TRIM33: variants seen among roughly 807,000 people sequenced by gnomAD.
The protein encoded by TRIM33 is tripartite motif containing 33, also known as E3 ubiquitin-protein ligase TRIM33.
Under a neutral mutation model 125.4 loss-of-function variants are expected in TRIM33, and 20 were observed. The observed-to-expected ratio is 0.16, with a 90% CI of 0.11 to 0.23. TRIM33 has a LOEUF of 0.23. Among genes scored for constraint, TRIM33 ranks in the 10% least tolerant of loss-of-function variants. TRIM33 has a pLI of 1.00. For synonymous variants in TRIM33, 564 were observed against 513.9 expected, an observed-to-expected ratio of 1.10 and a Z score of -1.32; for missense variants, 920 against 1,411.4, an observed-to-expected ratio of 0.65 and a Z score of 5.58.
At chr1:114,403,666 T>C (rs951444495) in intron 15 of TRIM33, among the ~76,000 whole-genome samples, 3 of 152,136 alleles carry the variant, frequency 2.0e-5, no homozygotes, top group African/African-American at 7.2e-5. Context: ...GCCTCCTACG[T>C]AGCTGGGATC....
At chr1:114,437,830 G>A (rs1241664908) in intron 4 of TRIM33, among the ~76,000 whole-genome samples, 1 of 152,134 alleles carries the variant, frequency 6.6e-6, no homozygotes, top group Non-Finnish European at 1.5e-5. Context: ...TAATCAGCAT[G>A]CTTAGCTTTT....
At chr1:114,406,732 C>T (rs1190372125) in intron 14 of TRIM33, among the ~76,000 whole-genome samples, 2 of 152,138 alleles carry the variant, frequency 1.3e-5, no homozygotes, top group African/African-American at 2.4e-5. Flanking sequence ...CAAATGAGTA[C>T]TTAATACAAT....
intron 1 of TRIM33, among the ~76,000 whole-genome samples, chr1:114,471,027 G>A (rs941471513): frequency 2.6e-5 from 4 of 152,264 alleles, no homozygotes; most frequent in Admixed American, 2.0e-4. Flanking sequence ...TCGAACTCCT[G>A]GGCCCAAGCA....
chr1:114,451,886 G>A (rs1438964103), intron 4 of TRIM33, among the ~76,000 whole-genome samples: 2 of 151,968 alleles, frequency 1.3e-5, no homozygotes. Flanking sequence ...GCAGGGAGAG[G>A]CAAGAAAAAA....
chr1:114,408,015 C>T (rs1263344574), intron 13 of TRIM33, among the ~76,000 whole-genome samples: 1 of 152,126 alleles, frequency 6.6e-6, no homozygotes, highest in Non-Finnish European at 1.5e-5. Flanking sequence ...AACCCCCAAC[C>T]AGGCATAATT....
At chr1:114,440,771 T>G (rs968814998) in intron 4 of TRIM33, among the ~76,000 whole-genome samples, 1 of 151,996 alleles carries the variant, frequency 6.6e-6, no homozygotes. Context: ...AGGGGGGGAA[T>G]ACAAACATTA....
chr1:114,438,438 C>T (rs1648444396), intron 4 of TRIM33, among the ~76,000 whole-genome samples: 1 of 152,140 alleles, frequency 6.6e-6, no homozygotes, highest in South Asian at 2.1e-4. Context: ...TTTATCTATA[C>T]ACCCACTCAC....
chr1:114,428,345 T>A (rs1451501240), intron 6 of TRIM33, among the ~76,000 whole-genome samples: 2 of 152,208 alleles, frequency 1.3e-5, no homozygotes, highest in South Asian at 4.1e-4. Context: ...TAAGACAAAA[T>A]GAAAAAGATA....
chr1:114,429,561 T>G (rs989440800), intron 6 of TRIM33, among the ~76,000 whole-genome samples: 8 of 151,892 alleles, frequency 5.3e-5, no homozygotes, highest in Non-Finnish European at 1.2e-4. Flanking sequence ...AACATTCTAC[T>G]GACATCATTT....
chr1:114,506,304 A>C (rs186961972), intron 1 of TRIM33, among the ~76,000 whole-genome samples: 32 of 150,376 alleles, frequency 2.1e-4, no homozygotes, highest in Admixed American at 1.9e-3. Flanking sequence ...AATCACTTGA[A>C]CCCAGGAGGT....
chr1:114,395,187 G>GTGAA lies in TRIM33; in HGVS notation c.*2457_*2460dup, dbSNP rs1480923433. On this transcript the variant is annotated 3_prime_UTR_variant, in exon 20 of 20. Coordinates refer to ENST00000358465, the MANE Select transcript of TRIM33 (RefSeq NM_015906.4). ...AAAAAGCTTTAATAAAAAATCTAAA[G>GTGAA]TGAATACCTTAATTTAATGGTGGTA... is the stretch of plus-strand genomic sequence containing the variant. 9.8e-6 allele frequency: 2 copies of GTGAA among 203,758 alleles called. No individual in the cohort carries two copies. The highest frequency in any genetic ancestry group is 4.6e-5 in the African/African-American group (2 of 43,684). 12.6% of individuals were successfully genotyped at this position (203,758 alleles called of 1,614,324 possible). A position where few individuals can be genotyped will look rare whatever the true frequency, so the allele number is the denominator to read the frequency against.
chr1:114,430,914 T>A lies in TRIM33; in HGVS notation c.1041-2A>T. 6.7e-7 allele frequency: 1 copy of A among 1,502,752 alleles called. No homozygotes were observed. Among genetic ancestry groups the A allele is most frequent in the Non-Finnish European group, 9.3e-7 (1 of 1,079,400 alleles). The allele number at this position is 1,502,752 out of a possible 1,614,324, so 93.1% of individuals were successfully genotyped here. A position where few individuals can be genotyped will look rare whatever the true frequency, so the allele number is the denominator to read the frequency against. On this transcript the variant is annotated splice_acceptor_variant, in intron 5 of 19. Coordinates refer to ENST00000358465, the MANE Select transcript of TRIM33 (RefSeq NM_015906.4). LOFTEE classifies it high-confidence loss of function. ...TTAGTCTCATTTACTTCTTTTATCC[T>A]GAATAAGAGAAATGCATCATTAGGT...
intron 1 of TRIM33, among the ~76,000 whole-genome samples, chr1:114,507,134 G>A (rs1653049950): frequency 6.6e-6 from 1 of 152,238 alleles, no homozygotes; most frequent in Non-Finnish European, 1.5e-5. Flanking sequence ...GAGCGACCTG[G>A]AGGACTACTT....
intron 1 of TRIM33, among the ~76,000 whole-genome samples, chr1:114,494,710 T>C (rs1652267361): frequency 6.6e-6 from 1 of 152,242 alleles, no homozygotes; most frequent in Admixed American, 6.5e-5. Context: ...GATGTTGGAC[T>C]TTACCGGTTC....
intron 2 of TRIM33, 151 bp from the exon 3 acceptor site, chr1:114,463,707 A>G: frequency 3.4e-6 from 2 of 581,682 alleles, no homozygotes; most frequent in Non-Finnish European, 5.9e-6. Flanking sequence ...CCTTTTCCTT[A>G]CAGATCATTC....
Position 114,397,580 on chromosome 1 carries a change from G to GTTTTTTTTTTTTTTTT in TRIM33, c.*67_*68insAAAAAAAAAAAAAAAA, listed in dbSNP as rs369508223. 9.3e-7 allele frequency: 1 copy of GTTTTTTTTTTTTTTTT among 1,074,368 alleles called. No homozygotes were observed. The highest frequency in any genetic ancestry group is 3.4e-5 in the African/African-American group (1 of 29,032). 66.6% of individuals were successfully genotyped at this position (1,074,368 alleles called of 1,614,324 possible). A position where few individuals can be genotyped will look rare whatever the true frequency, so the allele number is the denominator to read the frequency against. On this transcript the variant is annotated 3_prime_UTR_variant, in exon 20 of 20. Transcript: ENST00000358465. ...CCAGCAACACTTAAAAGTTTTCTGG[G>GTTTTTTTTTTTTTTTT]TTTTTTGTGTTTTTTTTTTTTTTTT...
intron 15 of TRIM33, among the ~76,000 whole-genome samples, 172 bp from the exon 16 acceptor site, chr1:114,403,055 A>C (rs985667749): frequency 6.6e-6 from 1 of 152,198 alleles, no homozygotes; most frequent in Non-Finnish European, 1.5e-5. Context: ...AAACTCCTCT[A>C]AATTTTCCTA....
chr1:114,447,712 TA>T (rs780855863), intron 4 of TRIM33, among the ~76,000 whole-genome samples: 16 of 152,190 alleles, frequency 1.1e-4, no homozygotes, highest in Non-Finnish European at 2.2e-4. Context: ...TGAGAAAAAG[TA>T]ATCAGTAATT....
Position 114,510,734 on chromosome 1 carries a change from G to C in TRIM33, c.343C>G (p.Pro115Ala), listed in dbSNP as rs746542136. ...TCCAGGAGCGAGGCTGGCGGTCCAG[G>C]AGGCGGCCCTGCCGAGGGACCCGGA... is the stretch of plus-strand genomic sequence containing the variant. ...PAPGPSAGPP[P>A]GPPASLLDTC... Residue 115 changes from proline (P) to alanine (A), a missense_variant, in exon 1 of 20, where the codon CCT becomes GCT. Physicochemically the swap from Pro to Ala is conservative, Grantham distance 27. Around this residue, in one of 8 missense-constraint regions of TRIM33, gnomAD observed 233 missense variants for 189.6 expected, o/e 1.23. Transcript: ENST00000358465. The C allele has an allele frequency of 2.6e-5, 40 of 1,529,550 alleles. No individual in the cohort carries two copies. In the East Asian group the frequency reaches 9.9e-4, roughly 38 times the overall value. The allele number at this position is 1,529,550 out of a possible 1,614,324, so 94.7% of individuals were successfully genotyped here.
Sources: gnomAD v4.1 joint callset for allele counts (sites outside exome capture counted in the v4.1 genomes callset) on GRCh38, gnomAD v4.1.1 for gene constraint, gnomAD v4.1.1 regional missense constraint, MANE v1.5 for transcripts, NCBI Gene and HGNC (gene_info 2026-07-23, HGNC 2026-07-21) for gene names.